Variants in MMP20 observed in about 807,000 individuals in gnomAD.
MMP20 encodes the protein matrix metalloproteinase-20.
Under a neutral mutation model 51.8 loss-of-function variants are expected in MMP20, and 50 were observed. The observed-to-expected ratio is 0.97, with a 90% CI of 0.77 to 1.22. The LOEUF is 1.22. MMP20 is among the 50% of genes most tolerant of loss of function. The probability of loss-of-function intolerance (pLI) is 0.00; values close to 1 mark genes in which losing one functional copy is unlikely to be tolerated. For missense variants in MMP20, 663 were observed against 601.4 expected (o/e 1.10, Z -1.07); for synonymous variants, 244 against 216.2 (o/e 1.13, Z -1.13).
rs17098622 is a variant in MMP20 at position 102,578,843 on chromosome 11, G to C, written c.1351+196C>G. On this transcript the variant is annotated intron_variant, in intron 9 of 9. Coordinates refer to ENST00000260228, the MANE Select transcript of MMP20 (RefSeq NM_004771.4). Reference sequence around the variant, plus strand: ...AACAAAAACTTTCCATTAGGAAAGAGAGAACTAAAATACCAGAACTTTTAC... The same window carrying C: ...AACAAAAACTTTCCATTAGGAAAGACAGAACTAAAATACCAGAACTTTTAC... Among the ~76,000 whole-genome samples the C allele has an allele frequency of 2.2e-3, 338 of 152,258 alleles. 1 individual carries two copies. Among genetic ancestry groups the C allele is most frequent in the African/African-American group, 7.8e-3 (322 of 41,538 alleles).
chr11:102,619,454 A>G lies in MMP20; in HGVS notation c.127-2395T>C, dbSNP rs145036021. Reference sequence around the variant, plus strand: ...TACAACATGAGCCATGTTTATAAACATAAGTGGTATCTAGTCACACCATCC... The same window carrying G: ...TACAACATGAGCCATGTTTATAAACGTAAGTGGTATCTAGTCACACCATCC... On this transcript the variant is annotated intron_variant, in intron 1 of 9. Coordinates refer to ENST00000260228, the MANE Select transcript of MMP20 (RefSeq NM_004771.4). Among the ~76,000 whole-genome samples the G allele has an allele frequency of 6.7e-3, 1,027 of 152,364 alleles. 15 individuals carry two copies. Among genetic ancestry groups the G allele is most frequent in the African/African-American group, 0.024 (978 of 41,568 alleles).
Position 102,593,492 on chromosome 11 carries a change from G to A in MMP20, c.1194C>T (p.Val398=). The A allele has an allele frequency of 6.2e-7, 1 of 1,614,192 alleles. No individual in the cohort carries two copies. The highest frequency in any genetic ancestry group is 8.5e-7 in the Non-Finnish European group (1 of 1,180,010). ...PRHVQQIDAA[V]YLREPQKTLF... ...GGGTCTTCTGTGGCTCCCTGAGGTA[G>A]ACAGCAGCATCTATTTGCTGCACGT... Residue 398 remains valine, a synonymous_variant, in exon 8 of 10, where the codon GTC becomes GTT. Transcript: ENST00000260228.
At chr11:102,594,499 G>A in intron 7 of MMP20, 122 bp downstream of exon 7, 1 of 1,311,000 alleles carries the variant, frequency 7.6e-7, no homozygotes. Context: ...CCCAACCTGA[G>A]GACAAAGAGC....
intron 6 of MMP20, among the ~76,000 whole-genome samples, chr11:102,595,933 C>G (rs941800475): frequency 6.6e-6 from 1 of 152,204 alleles, no homozygotes; most frequent in African/African-American, 2.4e-5. Flanking sequence ...TGACATTGAA[C>G]TTTCCTAGTG....
intron 8 of MMP20, among the ~76,000 whole-genome samples, chr11:102,590,157 C>T (rs1210887480): frequency 6.6e-6 from 1 of 152,154 alleles, no homozygotes; most frequent in Admixed American, 6.5e-5. Flanking sequence ...AGCCACTGCT[C>T]TGCTACTGGT....
At position 102,606,554 on chromosome 11, in the gene MMP20, GC is replaced by G. The variant is rs768072719; in HGVS notation, c.933del (p.Glu311AspfsTer59). ...GCTTACCGGTCCTTGAAGAGCAGGA[GC>G]TCCTTCCCCAGCATTGTCACAGCGT... ...SFDAVTMLGK[E>X]LLLFKDRIFW... On this transcript the variant is annotated frameshift_variant, in exon 6 of 10. Transcript: ENST00000260228. LOFTEE classifies it high-confidence loss of function. The G allele has an allele frequency of 9.9e-6, 16 of 1,613,868 alleles. No individual in the cohort carries two copies. In the Admixed American group the frequency reaches 2.5e-4, roughly 25 times the overall value.
At chr11:102,582,328 G>A (rs908579779) in intron 8 of MMP20, among the ~76,000 whole-genome samples, 1 of 152,168 alleles carries the variant, frequency 6.6e-6, no homozygotes, top group Admixed American at 6.5e-5. Context: ...AACTGAGTCA[G>A]CTAAAGGATG....
At chr11:102,608,563 A>G (rs994659977) in intron 5 of MMP20, among the ~76,000 whole-genome samples, 1 of 152,182 alleles carries the variant, frequency 6.6e-6, no homozygotes, top group Admixed American at 6.5e-5. Context: ...TTTAATCATG[A>G]TTGCTATTTT....
rs587777516 is a variant in MMP20 at position 102,625,218 on chromosome 11, C to G, written c.102G>C (p.Trp34Cys). 5 of 1,613,798 alleles carry G rather than the reference C, an allele frequency of 3.1e-6. No individual in the cohort carries two copies. The African/African-American group carries it at 6.7e-5, about 22-fold the overall frequency. Residue 34 changes from tryptophan (W) to cysteine (C), a missense_variant, in exon 1 of 10, where the codon TGG becomes TGC. Transcript: ENST00000260228. ...CCTGTGCGAGGCGGTAGTTGTTCCTCCAGGTCCTGGGGGAGGCTGCAACTA... is the reference window on the plus strand; with the variant it reads ...CCTGTGCGAGGCGGTAGTTGTTCCTGCAGGTCCTGGGGGAGGCTGCAACTA... ...PSLVAASPRT[W>C]RNNYRLAQAY... is the part of the protein sequence containing the mutation.
chr11:102,596,262 A>G (rs998885922), intron 6 of MMP20, among the ~76,000 whole-genome samples: 5 of 152,206 alleles, frequency 3.3e-5, no homozygotes, highest in African/African-American at 1.2e-4. Flanking sequence ...CCAAAAAAGG[A>G]ATGTATTGGG....
intron 8 of MMP20, among the ~76,000 whole-genome samples, chr11:102,592,383 A>G (rs1437417999): frequency 6.6e-6 from 1 of 152,200 alleles, no homozygotes; most frequent in East Asian, 1.9e-4. Flanking sequence ...AGCAGAGTCC[A>G]TATTTGTTTG....
At chr11:102,581,177 CCACA>C (rs36075826) in intron 8 of MMP20, among the ~76,000 whole-genome samples, 45,934 of 149,162 alleles carry the variant, frequency 0.31, 7,078 homozygotes, top group Non-Finnish European at 0.35. Context: ...CACGCACACA[CCACA>C]CACACACACA....
At chr11:102,623,285 G>A (rs1295606935) in intron 1 of MMP20, among the ~76,000 whole-genome samples, 3 of 152,162 alleles carry the variant, frequency 2.0e-5, no homozygotes, top group Non-Finnish European at 4.4e-5. Context: ...GGCTGCACCC[G>A]GAAACCAGTC....
intron 8 of MMP20, among the ~76,000 whole-genome samples, chr11:102,592,121 A>T (rs1431321391): frequency 6.6e-6 from 1 of 152,242 alleles, no homozygotes; most frequent in Non-Finnish European, 1.5e-5. Flanking sequence ...GGATTTCTCA[A>T]TACCTATCTT....
chr11:102,608,690 A>T (rs1159360244), intron 5 of MMP20, among the ~76,000 whole-genome samples: 1 of 152,032 alleles, frequency 6.6e-6, no homozygotes, highest in African/African-American at 2.4e-5. Flanking sequence ...AAAAACATAA[A>T]CCGACAAATG....
intron 6 of MMP20, among the ~76,000 whole-genome samples, chr11:102,596,424 A>T (rs1168616881): frequency 6.6e-6 from 1 of 152,200 alleles, no homozygotes; most frequent in Non-Finnish European, 1.5e-5. Flanking sequence ...GGGAAAAATA[A>T]TTTCCTGGCC....
chr11:102,579,600 C>T (rs1314502292), intron 8 of MMP20, among the ~76,000 whole-genome samples: 2 of 152,188 alleles, frequency 1.3e-5, no homozygotes, highest in Non-Finnish European at 2.9e-5. Flanking sequence ...AGGAATAAGC[C>T]ACTGGGCCTG....
rs1172462412 is a variant in MMP20, at chr11:102,625,283, G to A, written c.37C>T (p.Leu13Phe). ...VLPASGLAVF[L>F]IMALKFSTAA... ...GTGGAAAACTTCAAAGCCATGATGA[G>A]GAAGACAGCAAGGCCAGATGCAGGG... is the stretch of plus-strand genomic sequence containing the variant. Residue 13 changes from leucine to phenylalanine, a missense_variant, in exon 1 of 10, where the codon CTC (leucine) becomes TTC (phenylalanine). Physicochemically the swap from Leu to Phe is conservative, Grantham distance 22. Transcript: ENST00000260228. 4 of 1,613,602 alleles carry A rather than the reference G, an allele frequency of 2.5e-6. No homozygotes were observed. In the African/African-American group the frequency reaches 5.3e-5, roughly 22 times the overall value.
At chr11:102,598,672 C>T (rs975572034) in intron 6 of MMP20, among the ~76,000 whole-genome samples, 1 of 152,210 alleles carries the variant, frequency 6.6e-6, no homozygotes, top group African/African-American at 2.4e-5. Flanking sequence ...CAGCTCTTTG[C>T]TAGTTCCTTG....
Sources: gnomAD v4.1 joint callset for allele counts (sites outside exome capture counted in the v4.1 genomes callset) on GRCh38, gnomAD v4.1.1 for gene constraint, MANE v1.5 for transcripts, NCBI Gene and HGNC (gene_info 2026-07-23, HGNC 2026-07-21) for gene names.